The following WIF1 variants were observed in gnomAD, a reference collection of about 807,000 sequenced individuals.
The protein encoded by WIF1 is Wnt inhibitory factor 1.
Under a neutral mutation model 53.5 loss-of-function variants are expected in WIF1, and 35 were observed. That is an observed-to-expected ratio of 0.65 (90% CI 0.50 to 0.87). The LOEUF (loss-of-function observed/expected upper bound fraction) is 0.87, where lower values mean the gene tolerates loss of function less well. Among genes scored for constraint, WIF1 ranks in the 40% least tolerant of loss-of-function variants. The pLI is 0.00. For missense variants in WIF1, 467 were observed against 476.8 expected (o/e 0.98, Z 0.19); for synonymous variants, 171 against 170.4 (o/e 1.00, Z -0.03).
chr12:65,092,082 G>A (rs1267344235), intron 2 of WIF1, among the ~76,000 whole-genome samples: 1 of 152,056 alleles, frequency 6.6e-6, no homozygotes, highest in South Asian at 2.1e-4. Flanking sequence ...TGGAACATAT[G>A]TACCATGGAA....
At chr12:65,114,973 C>A (rs761895547) in intron 2 of WIF1, among the ~76,000 whole-genome samples, 6 of 152,108 alleles carry the variant, frequency 3.9e-5, no homozygotes, top group Non-Finnish European at 5.9e-5. Context: ...CCTGTTGGTA[C>A]AGATGTCTAG....
At chr12:65,116,814 T>C (rs763985902) in intron 2 of WIF1, among the ~76,000 whole-genome samples, 1 of 150,722 alleles carries the variant, frequency 6.6e-6, no homozygotes, top group Non-Finnish European at 1.5e-5. Flanking sequence ...GTGCCTGTAA[T>C]CCCAGCTACT....
chr12:65,093,750 G>T (rs900668775), intron 2 of WIF1, among the ~76,000 whole-genome samples: 7 of 152,050 alleles, frequency 4.6e-5, no homozygotes, highest in African/African-American at 1.7e-4. Flanking sequence ...ATGAGAGAAA[G>T]TTCCCGCATG....
Position 65,071,231 on chromosome 12 carries a change from CAAAAAAAA to C in WIF1, c.398-2335_398-2328del, listed in dbSNP as rs67928556. Reference sequence around the variant, plus strand: ...CCTGGGCAACAGAGCAAGACTCCATCAAAAAAAAAAAAAAAAAAAAAAAGGAAAGAAAG... The same window carrying C: ...CCTGGGCAACAGAGCAAGACTCCATCAAAAAAAAAAAAAAAGGAAAGAAAG... On this transcript the variant is annotated intron_variant, in intron 3 of 9. Transcript: ENST00000286574. Among the ~76,000 whole-genome samples, 8 of 71,180 alleles carry C rather than the reference CAAAAAAAA, an allele frequency of 1.1e-4. No homozygotes were observed. The South Asian group carries it at 1.5e-3, about 13-fold the overall frequency. The allele number at this position is 71,180 out of a possible 152,430, so 46.7% of individuals were successfully genotyped here. A position where few individuals can be genotyped will look rare whatever the true frequency, so the allele number is the denominator to read the frequency against.
At chr12:65,113,595 A>G (rs982821495) in intron 2 of WIF1, among the ~76,000 whole-genome samples, 1 of 150,988 alleles carries the variant, frequency 6.6e-6, no homozygotes, top group African/African-American at 2.4e-5. Context: ...TCTAAGCAAT[A>G]AAGTCTTTTT....
At chr12:65,055,464 A>C (rs1565747382) in intron 8 of WIF1, among the ~76,000 whole-genome samples, 1 of 152,222 alleles carries the variant, frequency 6.6e-6, no homozygotes, top group Non-Finnish European at 1.5e-5. Flanking sequence ...GGAGCATGGA[A>C]GTTTATTTTC....
chr12:65,086,205 C>T (rs1400140435), intron 2 of WIF1, among the ~76,000 whole-genome samples: 1 of 151,892 alleles, frequency 6.6e-6, no homozygotes, highest in Non-Finnish European at 1.5e-5. Flanking sequence ...TAGCCCTGTT[C>T]AGCACACTGC....
At chr12:65,098,440 G>A (rs2136634159) in intron 2 of WIF1, among the ~76,000 whole-genome samples, 1 of 152,220 alleles carries the variant, frequency 6.6e-6, no homozygotes, top group African/African-American at 2.4e-5. Flanking sequence ...GGCAGGTTAA[G>A]TTACATTTCC....
intron 6 of WIF1, among the ~76,000 whole-genome samples, chr12:65,064,004 G>A (rs764275983): frequency 6.6e-6 from 1 of 152,208 alleles, no homozygotes; most frequent in African/African-American, 2.4e-5. Context: ...GGATTTAGGA[G>A]AACAAGCTCT....
intron 2 of WIF1, among the ~76,000 whole-genome samples, chr12:65,093,468 C>A (rs1883155146): frequency 6.6e-6 from 1 of 152,016 alleles, no homozygotes; most frequent in African/African-American, 2.4e-5. Flanking sequence ...TAAGTTATAC[C>A]TTAGCTTTTT....
rs779481395 is a variant in WIF1 at position 65,051,392 on chromosome 12, G to A, written c.1097C>T (p.Ala366Val). 34 of 1,613,810 alleles carry A rather than the reference G, an allele frequency of 2.1e-5. No homozygotes were observed. In the Admixed American group the frequency reaches 3.0e-4, roughly 14 times the overall value. Residue 366 changes from alanine (A) to valine (V), a missense_variant, in exon 10 of 10, where the codon GCC becomes GTC. Coordinates refer to ENST00000286574, the MANE Select transcript of WIF1 (RefSeq NM_007191.5). ...LRQHTPSLKK[A>V]EERRDPPESN... ...TTCAGGTGGATCCCGCCGCTCCTCGGCCTTTTTAAGTGAAGGCGTGTGCTG... is the reference window on the plus strand; with the variant it reads ...TTCAGGTGGATCCCGCCGCTCCTCGACCTTTTTAAGTGAAGGCGTGTGCTG...
At position 65,106,202 on chromosome 12, in the gene WIF1, G is replaced by A. The variant is rs574917755; in HGVS notation, c.288+14215C>T. 3.3e-5 allele frequency among the ~76,000 whole-genome samples: 5 copies of A among 152,186 alleles called. No homozygotes were observed. In the South Asian group the frequency reaches 1.0e-3, roughly 32 times the overall value. Reference sequence around the variant, plus strand: ...CCTGCATGAGCAGTAGAGGGGACAGGTTGGCACTTCAGAGTATAAATGCAA... The same window carrying A: ...CCTGCATGAGCAGTAGAGGGGACAGATTGGCACTTCAGAGTATAAATGCAA... On this transcript the variant is annotated intron_variant, in intron 2 of 9. Coordinates refer to ENST00000286574, the MANE Select transcript of WIF1 (RefSeq NM_007191.5).
chr12:65,060,634 A>G (rs1173275001), intron 7 of WIF1, among the ~76,000 whole-genome samples: 1 of 152,250 alleles, frequency 6.6e-6, no homozygotes, highest in East Asian at 1.9e-4. Context: ...TGATGGCTAC[A>G]CAATCTTGTG....
intron 2 of WIF1, among the ~76,000 whole-genome samples, chr12:65,090,563 G>A (rs1219084959): frequency 6.6e-6 from 1 of 152,202 alleles, no homozygotes; most frequent in East Asian, 1.9e-4. Flanking sequence ...GCTTAACTTG[G>A]GGGTCAGGAA....
intron 4 of WIF1, 84 bp downstream of exon 4, chr12:65,068,680 T>G: frequency 1.8e-6 from 2 of 1,111,210 alleles, no homozygotes; most frequent in South Asian, 1.5e-5. Flanking sequence ...TGTGTGTGTG[T>G]GTGTGTATAG....
intron 2 of WIF1, among the ~76,000 whole-genome samples, chr12:65,080,271 G>A (rs2136623239): frequency 6.6e-6 from 1 of 152,236 alleles, no homozygotes; most frequent in South Asian, 2.1e-4. Context: ...TCCCTAGGTG[G>A]GTAACAACAT....
chr12:65,104,948 C>T (rs768983054), intron 2 of WIF1, among the ~76,000 whole-genome samples: 1 of 152,062 alleles, frequency 6.6e-6, no homozygotes, highest in Non-Finnish European at 1.5e-5. Context: ...TATGAAGTAG[C>T]TGAAGAAATT....
chr12:65,086,414 A>G (rs1052724609), intron 2 of WIF1, among the ~76,000 whole-genome samples: 1 of 152,142 alleles, frequency 6.6e-6, no homozygotes, highest in Non-Finnish European at 1.5e-5. Flanking sequence ...GCATTAGGCA[A>G]CTATGGTGGG....
intron 2 of WIF1, chr12:65,083,670 C>G (rs2136624949): frequency 3.4e-6 from 1 of 293,846 alleles, no homozygotes; most frequent in East Asian, 1.0e-4. Flanking sequence ...CTGCGTCATG[C>G]CCATGCTCAT....
Sources: gnomAD v4.1 joint callset for allele counts (sites outside exome capture counted in the v4.1 genomes callset) on GRCh38, gnomAD v4.1.1 for gene constraint, MANE v1.5 for transcripts, NCBI Gene and HGNC (gene_info 2026-07-23, HGNC 2026-07-21) for gene names.